Variants in ALG1 observed in about 807,000 individuals in gnomAD.
The protein encoded by ALG1 is chitobiosyldiphosphodolichol beta-mannosyltransferase.
A neutral mutation model predicts 55.1 loss-of-function variants in ALG1; 58 were observed. The ratio of observed to expected loss-of-function variants is 1.05; its 90% CI spans 0.85 to 1.31. The LOEUF (loss-of-function observed/expected upper bound fraction) is 1.31. ALG1 is among the 50% of genes most tolerant of loss of function. ALG1 has a pLI of 0.00. For synonymous variants in ALG1, 309 were observed against 247.0 expected (o/e 1.25, Z -2.35); for missense variants, 761 against 598.6 (o/e 1.27, Z -2.83).
chr16:5,081,474 CG>C (rs1322170892), intron 10 of ALG1, among the ~76,000 whole-genome samples: 1 of 152,230 alleles, frequency 6.6e-6, no homozygotes, highest in Non-Finnish European at 1.5e-5. Flanking sequence ...AGTGGGGAGT[CG>C]TGCCTTGGTC....
At chr16:5,072,243 C>G (rs1003095624) in intron 1 of ALG1, 186 bp downstream of exon 1, 42 of 1,501,628 alleles carry the variant, frequency 2.8e-5, no homozygotes, top group Non-Finnish European at 3.6e-5. Flanking sequence ...CGGCGTTAAT[C>G]TTGCCACGTG....
Position 5,072,071 on chromosome 16 carries a change from G to GTCT in ALG1, c.208+14_208+15insTCT, listed in dbSNP as rs1567165690. 8 of 1,557,512 alleles carry GTCT rather than the reference G, an allele frequency of 5.1e-6. No homozygotes were observed. Among genetic ancestry groups the GTCT allele is most frequent in the Admixed American group, 3.8e-5 (2 of 52,188 alleles). On this transcript the variant is annotated intron_variant, in intron 1 of 12. Transcript: ENST00000262374. ...TGGGGTTCTGCAGTGAGTGGCCAAG[G>GTCT]GTCTGGGAGGGACGATGCTCTCTCA... is the stretch of plus-strand genomic sequence containing the variant.
At chr16:5,082,467 C>T in intron 10 of ALG1, 92 bp from the exon 11 acceptor site, 2 of 1,386,810 alleles carry the variant, frequency 1.4e-6, no homozygotes. Context: ...CTGATTTTCA[C>T]TCTCCTTGGG....
At chr16:5,077,394 G>T in intron 4 of ALG1, 51 bp from the exon 5 acceptor site, 1 of 1,474,822 alleles carries the variant, frequency 6.8e-7, no homozygotes, top group Non-Finnish European at 9.5e-7. Context: ...ACGCTGTGGT[G>T]GTAGCGGAGG....
At chr16:5,072,277 A>G in intron 1 of ALG1, 1 of 1,449,174 alleles carries the variant, frequency 6.9e-7, no homozygotes, top group South Asian at 1.4e-5. Context: ...AAGTGAATCC[A>G]TTGCGTGGTC....
intron 11 of ALG1, among the ~76,000 whole-genome samples, chr16:5,083,237 G>A (rs1009474843): frequency 6.6e-6 from 1 of 152,078 alleles, no homozygotes; most frequent in Non-Finnish European, 1.5e-5. Context: ...CTCAGGAGCC[G>A]GCCCCTGGAT....
At chr16:5,080,837 G>T (rs1221004267) in intron 9 of ALG1, 109 bp from the exon 10 acceptor site, 23 of 1,448,506 alleles carry the variant, frequency 1.6e-5, no homozygotes, top group Non-Finnish European at 2.2e-5. Context: ...CTGCTGAGGG[G>T]TGGAGCTTCT....
Position 5,087,028 on chromosome 16 carries a change from A to G in ALG1, c.*2147A>G, listed in dbSNP as rs1172310437. 2 of 152,186 alleles carry G rather than the reference A, an allele frequency of 1.3e-5. No individual in the cohort carries two copies. Among genetic ancestry groups the G allele is most frequent in the Non-Finnish European group, 2.9e-5 (2 of 68,038 alleles). The allele number at this position is 152,186 out of a possible 1,614,324, so 9.4% of individuals were successfully genotyped here. A position where few individuals can be genotyped will look rare whatever the true frequency, so the allele number is the denominator to read the frequency against. On this transcript the variant is annotated 3_prime_UTR_variant, in exon 13 of 13. Coordinates refer to ENST00000262374, the MANE Select transcript of ALG1 (RefSeq NM_019109.5). ...TGTTACGAGTGGAAAATGCGTATTT[A>G]TAAGAATGAAGTAGTACAGACATGA... is the stretch of plus-strand genomic sequence containing the variant.
intron 5 of ALG1, 22 bp from the exon 6 acceptor site, chr16:5,077,885 C>T (rs1956941957): frequency 2.5e-6 from 4 of 1,605,322 alleles, no homozygotes; most frequent in Non-Finnish European, 3.4e-6. Flanking sequence ...CTCCCAATAG[C>T]CCCGTCATGA....
rs1436225170 is a variant in ALG1 at position 5,085,295 on chromosome 16, TG to T, written c.*416del. The T allele has an allele frequency of 2.0e-6, 1 of 491,914 alleles. No individual in the cohort carries two copies. Among genetic ancestry groups the T allele is most frequent in the Admixed American group, 3.4e-5 (1 of 29,718 alleles). The allele number at this position is 491,914 out of a possible 1,614,324, so 30.5% of individuals were successfully genotyped here. On this transcript the variant is annotated 3_prime_UTR_variant, in exon 13 of 13. Coordinates refer to ENST00000262374, the MANE Select transcript of ALG1 (RefSeq NM_019109.5). ...AGGGATGTGGCAGCTGCAGTGGGCTTGGCTTTGTGAGGAACTGAGTGTGTCC... is the reference window on the plus strand; with the variant it reads ...AGGGATGTGGCAGCTGCAGTGGGCTTGCTTTGTGAGGAACTGAGTGTGTCC...
intron 3 of ALG1, chr16:5,073,476 G>A: frequency 1.7e-6 from 1 of 593,688 alleles, no homozygotes. Flanking sequence ...TGTATCAAGT[G>A]TTTTCCATGT....
rs1956843713 is a variant in ALG1, at chr16:5,072,955, C to T, written c.213C>T (p.Ser71=). 2 of 1,614,022 alleles carry T rather than the reference C, an allele frequency of 1.2e-6. No homozygotes were observed. The highest frequency in any genetic ancestry group is 1.1e-5 in the South Asian group (1 of 91,084). Residue 71 remains serine (S), a synonymous_variant, in exon 2 of 13, where the codon TCC becomes TCT. Coordinates refer to ENST00000262374, the MANE Select transcript of ALG1 (RefSeq NM_019109.5). ...GGGATCATTCTCATTTTTCAGACTC[C>T]AAACCCCATGATGAGCTCTTGCAGA... ...FSVTLLGFCN[S]KPHDELLQNN...
chr16:5,074,903 TTTTG>T (rs1444982784), intron 3 of ALG1, among the ~76,000 whole-genome samples: 6 of 152,194 alleles, frequency 3.9e-5, no homozygotes, highest in African/African-American at 9.6e-5. Flanking sequence ...TTTGTTTGGT[TTTTG>T]TTTGTTTGTT....
At chr16:5,078,461 G>A (rs1390401041) in intron 6 of ALG1, 3 of 635,670 alleles carry the variant, frequency 4.7e-6, no homozygotes, top group African/African-American at 1.8e-5. Context: ...GTAAGCTGGG[G>A]TGGTGTGGGA....
At chr16:5,084,482 CAG>C (rs1272825453) in intron 12 of ALG1, 6 of 597,466 alleles carry the variant, frequency 1.0e-5, no homozygotes, top group East Asian at 2.9e-5. Flanking sequence ...AGGGTGCTCA[CAG>C]GGGAATGGGC....
chr16:5,073,082 G>T, intron 2 of ALG1, 54 bp downstream of exon 2: 2 of 1,611,148 alleles, frequency 1.2e-6, no homozygotes, highest in Non-Finnish European at 1.7e-6. Context: ...GGGGCAGGGG[G>T]TGTTCGTTTG....
rs745365787 is a variant in ALG1 at position 5,073,197 on chromosome 16, G to C, written c.331G>C (p.Ala111Pro). ...GTACGGAGTCAAAGTTGTACTTCAG[G>C]CTATGTACTTGCTGTGGAAGTTGAT... ...FQYGVKVVLQAMYLLWKLMWR... is the reference protein window; with the variant it reads ...FQYGVKVVLQPMYLLWKLMWR... The change falls in exon 3 of 13, where the codon GCT becomes CCT. Residue 111 changes from alanine (A) to proline (P), a missense_variant. Coordinates refer to ENST00000262374, the MANE Select transcript of ALG1 (RefSeq NM_019109.5). 8 of 1,614,166 alleles carry C rather than the reference G, an allele frequency of 5.0e-6. No homozygotes were observed. The South Asian group carries it at 5.5e-5, about 11-fold the overall frequency.
chr16:5,076,645 AG>A (rs2142710057), intron 4 of ALG1, among the ~76,000 whole-genome samples: 1 of 152,330 alleles, frequency 6.6e-6, no homozygotes, highest in African/African-American at 2.4e-5. Context: ...CCCTGCGATC[AG>A]GGCTCAGTCT....
rs555696165 is a variant in ALG1, at chr16:5,075,307, T to A, written c.391-81T>A. 3.3e-5 allele frequency: 47 copies of A among 1,421,844 alleles called. No homozygotes were observed. The South Asian group carries it at 4.7e-4, about 14-fold the overall frequency. The allele number at this position is 1,421,844 out of a possible 1,614,324, so 88.1% of individuals were successfully genotyped here. A position where few individuals can be genotyped will look rare whatever the true frequency, so the allele number is the denominator to read the frequency against. On this transcript the variant is annotated intron_variant, in intron 3 of 12. Transcript: ENST00000262374. The stretch of plus-strand genomic sequence containing the variant: ...TGTAAAGATAACAGACTCATCACCA[T>A]GTGTGTTGTGACTATTTTTACTGGG...
Sources: gnomAD v4.1 joint callset for allele counts (sites outside exome capture counted in the v4.1 genomes callset) on GRCh38, gnomAD v4.1.1 for gene constraint, MANE v1.5 for transcripts, NCBI Gene and HGNC (gene_info 2026-07-23, HGNC 2026-07-21) for gene names.